Variants in ABCC4 observed in about 807,000 individuals in gnomAD.
ABCC4 encodes ATP-binding cassette sub-family C member 4.
In ABCC4, 102 loss-of-function variants were observed where a neutral mutation model predicts 168.5. The observed-to-expected ratio is 0.61, with a 90% CI of 0.52 to 0.71. The LOEUF (loss-of-function observed/expected upper bound fraction) is 0.71. ABCC4 is among the 30% of genes least tolerant of loss of function. The pLI, the probability that ABCC4 is intolerant of heterozygous loss-of-function variation, is 0.00. For missense variants in ABCC4, 1,402 were observed against 1,605.8 expected (o/e 0.87, Z 2.17); for synonymous variants, 617 against 590.7 (o/e 1.04, Z -0.65).
chr13:95,047,164 T>C (rs1487040998), intron 27 of ABCC4, among the ~76,000 whole-genome samples: 2 of 152,200 alleles, frequency 1.3e-5, no homozygotes, highest in African/African-American at 4.8e-5. Flanking sequence ...CATTTGACTG[T>C]TCTGTGATTT....
intron 26 of ABCC4, among the ~76,000 whole-genome samples, chr13:95,054,467 T>G (rs1189447): frequency 0.91 from 138,360 of 151,728 alleles, 63,301 homozygotes; most frequent in Non-Finnish European, 0.95. Context: ...AGAATCACTT[T>G]GACCTGGGAG....
chr13:95,284,728 T>C (rs544754814), intron 1 of ABCC4, among the ~76,000 whole-genome samples: 2 of 152,154 alleles, frequency 1.3e-5, no homozygotes, highest in East Asian at 1.9e-4. Flanking sequence ...CCAGCACCTA[T>C]AATCAAGAGG....
At chr13:95,094,185 A>G (rs2034519717) in intron 20 of ABCC4, among the ~76,000 whole-genome samples, 1 of 152,134 alleles carries the variant, frequency 6.6e-6, no homozygotes, top group African/African-American at 2.4e-5. Flanking sequence ...AAAATTCTAA[A>G]ATTCACATGG....
At chr13:95,066,804 CT>C (rs1158608533) in intron 25 of ABCC4, among the ~76,000 whole-genome samples, 1 of 152,192 alleles carries the variant, frequency 6.6e-6, no homozygotes. Context: ...TCTGTATTCC[CT>C]TGGTGTAGCT....
chr13:95,202,920 A>G (rs765371356), intron 8 of ABCC4, among the ~76,000 whole-genome samples: 5 of 152,106 alleles, frequency 3.3e-5, no homozygotes, highest in Non-Finnish European at 5.9e-5. Context: ...TAGGCCTCCA[A>G]AAGTGCTGGG....
intron 1 of ABCC4, 40 bp downstream of exon 1, chr13:95,301,201 A>G: frequency 6.4e-7 from 1 of 1,551,264 alleles, no homozygotes; most frequent in South Asian, 1.2e-5. Context: ...CCGCGGCGCC[A>G]GCGGCTGCAG....
intron 4 of ABCC4, among the ~76,000 whole-genome samples, chr13:95,219,460 T>C (rs138399754): frequency 6.6e-6 from 1 of 152,252 alleles, no homozygotes; most frequent in African/African-American, 2.4e-5. Flanking sequence ...AAGGAGAATA[T>C]AAATGCAGTA....
chr13:95,119,120 A>G (rs1421100263), intron 19 of ABCC4, among the ~76,000 whole-genome samples: 1 of 152,206 alleles, frequency 6.6e-6, no homozygotes, highest in Non-Finnish European at 1.5e-5. Flanking sequence ...GTCAGGATAT[A>G]TCCCATGACT....
intron 21 of ABCC4, among the ~76,000 whole-genome samples, chr13:95,076,169 T>G (rs185901559): frequency 6.6e-6 from 1 of 152,206 alleles, no homozygotes; most frequent in South Asian, 2.1e-4. Context: ...GTGATCTCCA[T>G]GGACCTGGGT....
chr13:95,247,606 C>T (rs372107031), intron 2 of ABCC4, 37 bp downstream of exon 2: 96 of 1,529,882 alleles, frequency 6.3e-5, no homozygotes, highest in African/African-American at 6.0e-4. Context: ...CAGACACCCA[C>T]GCTTCCTTAA....
intron 26 of ABCC4, among the ~76,000 whole-genome samples, chr13:95,058,598 GAA>G (rs1253686789): frequency 4.4e-5 from 5 of 114,734 alleles, no homozygotes; most frequent in South Asian, 5.4e-4. Context: ...AAAAAGAAAA[GAA>G]AAAGAAAAAG....
In ABCC4 at chr13:95,166,265, C is replaced by G; in HGVS notation, c.1927G>C (p.Val643Leu). 4 of 1,614,138 alleles carry G rather than the reference C, an allele frequency of 2.5e-6. No individual in the cohort carries two copies. The highest frequency in any genetic ancestry group is 2.5e-6 in the Non-Finnish European group (3 of 1,180,018). Residue 643 changes from valine to leucine, a missense_variant, in exon 15 of 31, where the codon GTT becomes CTT. Physicochemically the swap from Val to Leu is conservative, Grantham distance 32 (BLOSUM62 1). Around this residue, in one of 3 missense-constraint regions of ABCC4, gnomAD observed 1,007 missense variants for 1,127.3 expected, o/e 0.89. Transcript: ENST00000645237. ...TTCCTTAGTGTGGGAGTTCCTGGAA[C>G]TGGAGGTTGTTCACTTTCCTCATTA... ...KDNEESEQPPVPGTPTLRNRT... is the reference protein window; with the variant it reads ...KDNEESEQPPLPGTPTLRNRT...
In ABCC4 at chr13:95,177,810, G is replaced by GAT. The variant is rs780864832; in HGVS notation, c.1641-18_1641-17insAT. 8.1e-6 allele frequency: 13 copies of GAT among 1,595,926 alleles called. No individual in the cohort carries two copies. The African/African-American group carries it at 1.6e-4, about 20-fold the overall frequency. ...TACACTGCTCTAGAAAATACAAAGA[G>GAT]GTATCAGACTCTCACCCAGGAACAT... On this transcript the variant is annotated splice_polypyrimidine_tract_variant and intron_variant, in intron 12 of 30. Transcript: ENST00000645237.
intron 19 of ABCC4, among the ~76,000 whole-genome samples, chr13:95,155,650 C>T (rs2036830619): frequency 6.6e-6 from 1 of 152,132 alleles, no homozygotes; most frequent in Admixed American, 6.5e-5. Flanking sequence ...CACATACTCC[C>T]CACGCACACA....
At chr13:95,209,634 G>T in intron 5 of ABCC4, 37 bp from the exon 6 acceptor site, 1 of 1,575,902 alleles carries the variant, frequency 6.3e-7, no homozygotes, top group South Asian at 1.2e-5. Flanking sequence ...TAGGACTCCA[G>T]AAAAGCAAAA....
intron 23 of ABCC4, 171 bp from the exon 24 acceptor site, chr13:95,073,475 A>C (rs188493384): frequency 4.6e-4 from 202 of 443,340 alleles, no homozygotes; most frequent in Middle Eastern, 3.1e-3. Context: ...ACAATGGGGA[A>C]AACAACACTG....
Position 95,156,958 on chromosome 13 carries a change from T to C in ABCC4, c.2455+4231A>G, listed in dbSNP as rs188199594. Among the ~76,000 whole-genome samples, 1,007 of 152,068 alleles carry C rather than the reference T, an allele frequency of 6.6e-3. 10 individuals are homozygous for C. Among genetic ancestry groups the C allele is most frequent in the African/African-American group, 0.023 (944 of 41,464 alleles). ...AAATACAAAAATTAGCCAGGTGTGA[T>C]GGTGGACACTGTAATCCCAGCTACT... is the stretch of plus-strand genomic sequence containing the variant. On this transcript the variant is annotated intron_variant, in intron 19 of 30. Transcript: ENST00000645237.
intron 3 of ABCC4, among the ~76,000 whole-genome samples, chr13:95,237,180 G>A (rs1038853053): frequency 1.3e-5 from 2 of 152,140 alleles, no homozygotes; most frequent in Non-Finnish European, 1.5e-5. Context: ...GGTAGGTCAC[G>A]ACTACCTAAT....
chr13:95,263,559 A>G (rs762688620), intron 1 of ABCC4, among the ~76,000 whole-genome samples: 157 of 152,322 alleles, frequency 1.0e-3, no homozygotes, highest in Non-Finnish European at 1.7e-3. Context: ...ACAGTGGCTC[A>G]CGCCTGTAAT....
Sources: gnomAD v4.1 joint callset for allele counts (sites outside exome capture counted in the v4.1 genomes callset) on GRCh38, gnomAD v4.1.1 for gene constraint, gnomAD v4.1.1 regional missense constraint, MANE v1.5 for transcripts, NCBI Gene and HGNC (gene_info 2026-07-23, HGNC 2026-07-21) for gene names.